Variants in PEX1 observed in about 807,000 individuals in gnomAD.
The protein encoded by PEX1 is peroxisomal ATPase PEX1.
In PEX1, 97 loss-of-function variants were observed where a neutral mutation model predicts 152.5. The ratio of observed to expected loss-of-function variants is 0.64; its 90% CI spans 0.54 to 0.75. The LOEUF is 0.75. PEX1 is among the 30% of genes least tolerant of loss of function. PEX1 has a pLI of 0.00. For missense variants in PEX1, 1,357 were observed against 1,516.3 expected (o/e 0.89, Z 1.74); for synonymous variants, 485 against 531.6 (o/e 0.91, Z 1.21).
Position 92,487,355 on chromosome 7 carries a change from G to A in PEX1, c.*102C>T. On this transcript the variant is annotated 3_prime_UTR_variant, in exon 24 of 24. Coordinates refer to ENST00000248633, the MANE Select transcript of PEX1 (RefSeq NM_000466.3). ...GTGATTTTATAAATTAACCAAATTT[G>A]TTAAATTAAGAAGAAATTCATAGAC... 1 of 670,272 alleles carries A rather than the reference G, an allele frequency of 1.5e-6. No individual in the cohort carries two copies. Among genetic ancestry groups the A allele is most frequent in the Non-Finnish European group, 2.7e-6 (1 of 375,724 alleles). 41.5% of individuals were successfully genotyped at this position (670,272 alleles called of 1,614,324 possible).
In PEX1 at chr7:92,506,999, C is replaced by T; in HGVS notation, c.1798G>A (p.Gly600Arg). The T allele has an allele frequency of 6.2e-7, 1 of 1,613,978 alleles. No homozygotes were observed. The highest frequency in any genetic ancestry group is 8.5e-7 in the Non-Finnish European group (1 of 1,179,948). ...AACACACCTTAACCACTTACCTTTC[C>T]TCCTGTGAGTAAAAGAGCTCCATTC... ...LRNGALLLTG[G>R]KGSGKSTLAK... The change falls in exon 10 of 24, where the codon GGA (glycine) becomes AGA (arginine). Residue 600 changes from glycine (G) to arginine (R), a missense_variant. By Grantham distance (125) the Gly-to-Arg change is moderately radical. Transcript: ENST00000248633.
chr7:92,517,223 G>C (rs1792829461), intron 5 of PEX1, 53 bp downstream of exon 5: 2 of 1,250,400 alleles, frequency 1.6e-6, no homozygotes, highest in African/African-American at 3.0e-5. Flanking sequence ...TTCATAATTT[G>C]GGGATGTTTA....
intron 15 of PEX1, among the ~76,000 whole-genome samples, chr7:92,501,294 T>A (rs917610608): frequency 2.0e-5 from 3 of 152,172 alleles, no homozygotes; most frequent in South Asian, 4.1e-4. Context: ...CCAGCCTAGA[T>A]GACAGAGTGA....
chr7:92,489,459 T>A, intron 22 of PEX1, 36 bp from the exon 23 acceptor site: 2 of 1,591,816 alleles, frequency 1.3e-6, no homozygotes, highest in Non-Finnish European at 1.7e-6. Context: ...AGAGTTAAAT[T>A]AAGGATGTAA....
intron 15 of PEX1, among the ~76,000 whole-genome samples, chr7:92,501,266 G>C (rs1295623990): frequency 6.6e-6 from 1 of 152,176 alleles, no homozygotes. Context: ...TGAGGTTGCA[G>C]TGAGCTGTGA....
At chr7:92,510,355 A>G (rs1026643611) in intron 8 of PEX1, among the ~76,000 whole-genome samples, 1 of 151,446 alleles carries the variant, frequency 6.6e-6, no homozygotes, top group Non-Finnish European at 1.5e-5. Flanking sequence ...GGTCCCAGCT[A>G]CTTGGGAGGC....
chr7:92,512,008 C>T (rs924561295), intron 6 of PEX1, among the ~76,000 whole-genome samples: 6 of 152,242 alleles, frequency 3.9e-5, no homozygotes, highest in Admixed American at 3.9e-4. Context: ...TCTCCCTTTC[C>T]TCCCTCTACG....
intron 1 of PEX1, among the ~76,000 whole-genome samples, chr7:92,527,400 C>G (rs1793325333): frequency 6.6e-6 from 1 of 152,130 alleles, no homozygotes; most frequent in South Asian, 2.1e-4. Flanking sequence ...AGATTGTCTA[C>G]TTAGTGGTAA....
At chr7:92,488,776 C>T (rs1294605936) in intron 23 of PEX1, among the ~76,000 whole-genome samples, 2 of 149,704 alleles carry the variant, frequency 1.3e-5, no homozygotes, top group African/African-American at 4.9e-5. Flanking sequence ...GTGGCCCAGG[C>T]TGGATGGAGT....
At chr7:92,522,411 C>T (rs922665119) in intron 1 of PEX1, among the ~76,000 whole-genome samples, 166 bp from the exon 2 acceptor site, 3 of 147,802 alleles carry the variant, frequency 2.0e-5, no homozygotes, top group Non-Finnish European at 3.0e-5. Flanking sequence ...TCATTTCCAA[C>T]ACCCAATGCT....
intron 10 of PEX1, chr7:92,506,575 A>G (rs1244509259): frequency 7.2e-6 from 4 of 552,450 alleles, no homozygotes; most frequent in African/African-American, 1.9e-5. Flanking sequence ...ATCACTTTCA[A>G]ACTTAAATGG....
chr7:92,507,100 G>A lies in PEX1; in HGVS notation c.1697C>T (p.Ser566Phe), dbSNP rs1792229566. The change falls in exon 10 of 24, where the codon TCC becomes TTC. Residue 566 changes from serine to phenylalanine, a missense_variant. Physicochemically the swap from Ser to Phe is radical, Grantham distance 155. Coordinates refer to ENST00000248633, the MANE Select transcript of PEX1 (RefSeq NM_000466.3). ...LGGVNSLGVS[S>F]LEHITHSLLG... Reference sequence around the variant, plus strand: ...GAGGCTGTGAGTGATGTGCTCCAAGGAGGATACGCCTAAGGAATTCACTCC... The same window carrying A: ...GAGGCTGTGAGTGATGTGCTCCAAGAAGGATACGCCTAAGGAATTCACTCC... 6.2e-7 allele frequency: 1 copy of A among 1,613,770 alleles called. No homozygotes were observed.
chr7:92,499,105 A>T, intron 16 of PEX1, among the ~76,000 whole-genome samples: 1 of 152,182 alleles, frequency 6.6e-6, no homozygotes, highest in East Asian at 1.9e-4. Context: ...GAGAATCAGG[A>T]ACCCCCCACA....
intron 9 of PEX1, 96 bp from the exon 10 acceptor site, chr7:92,507,222 A>G: frequency 1.0e-6 from 1 of 977,252 alleles, no homozygotes; most frequent in Non-Finnish European, 1.5e-6. Context: ...AGTGTAGTTA[A>G]TTAATTTAAT....
Position 92,517,818 on chromosome 7 carries a change from A to T in PEX1, c.697T>A (p.Ser233Thr), listed in dbSNP as rs780247424. The T allele has an allele frequency of 6.5e-7, 1 of 1,548,750 alleles. No individual in the cohort carries two copies. The highest frequency in any genetic ancestry group is 2.2e-5 in the East Asian group (1 of 44,450). The change falls in exon 5 of 24, where the codon TCA (serine) becomes ACA (threonine). Residue 233 changes from serine to threonine, a missense_variant. Transcript: ENST00000248633. ...VGITESNENE[S>T]EIPVDSSSVA... ...GATGATGAGTCAACTGGAATCTCTG[A>T]CTCGTTTTCATTAGATTCAGTGATT...
At chr7:92,494,750 AT>A in intron 17 of PEX1, 121 bp from the exon 18 acceptor site, 1 of 563,528 alleles carries the variant, frequency 1.8e-6, no homozygotes, top group Non-Finnish European at 2.6e-6. Flanking sequence ...ACTTCTTTTA[AT>A]TTTTACAACA....
intron 21 of PEX1, 79 bp from the exon 22 acceptor site, chr7:92,489,990 T>G: frequency 2.8e-6 from 3 of 1,083,638 alleles, no homozygotes; most frequent in Admixed American, 1.9e-5. Context: ...AATATAAAAA[T>G]TAAACATTTT....
At chr7:92,509,031 C>CA (rs1404124627) in intron 9 of PEX1, among the ~76,000 whole-genome samples, 2 of 150,656 alleles carry the variant, frequency 1.3e-5, no homozygotes, top group Non-Finnish European at 2.9e-5. Flanking sequence ...TCTCATCGAT[C>CA]AATTCTCAAA....
chr7:92,506,161 G>T, intron 11 of PEX1, 87 bp downstream of exon 11: 1 of 791,458 alleles, frequency 1.3e-6, no homozygotes, highest in South Asian at 1.4e-5. Flanking sequence ...GATGATATGT[G>T]TATTTATTAG....
Sources: gnomAD v4.1 joint callset for allele counts (sites outside exome capture counted in the v4.1 genomes callset) on GRCh38, gnomAD v4.1.1 for gene constraint, MANE v1.5 for transcripts, NCBI Gene and HGNC (gene_info 2026-07-23, HGNC 2026-07-21) for gene names.